SFMBT2: variants seen among roughly 807,000 people sequenced by gnomAD.
SFMBT2 encodes scm-like with four MBT domains protein 2.
Under a neutral mutation model 110.1 loss-of-function variants are expected in SFMBT2, and 38 were observed. The ratio of observed to expected loss-of-function variants is 0.35; its 90% confidence interval spans 0.27 to 0.45. The LOEUF (loss-of-function observed/expected upper bound fraction) is 0.45, where lower values mean the gene tolerates loss of function less well. SFMBT2 is among the 20% of genes least tolerant of loss of function. SFMBT2 has a pLI of 1.00. For missense variants in SFMBT2, 1,011 were observed against 1,094.9 expected (o/e 0.92, Z 1.08); for synonymous variants, 425 against 425.4 (o/e 1.00, Z 0.01).
At chr10:7,173,507 T>C (rs1837953680) in intron 17 of SFMBT2, among the ~76,000 whole-genome samples, 2 of 152,260 alleles carry the variant, frequency 1.3e-5, no homozygotes, top group Non-Finnish European at 2.9e-5. Flanking sequence ...TACATCATTG[T>C]ATACTTTATT....
intron 9 of SFMBT2, among the ~76,000 whole-genome samples, chr10:7,236,992 T>C (rs942665141): frequency 1.8e-4 from 27 of 152,302 alleles, no homozygotes; most frequent in African/African-American, 6.5e-4. Flanking sequence ...ATCCTAGTGA[T>C]CAGGACCACC....
intron 4 of SFMBT2, among the ~76,000 whole-genome samples, chr10:7,341,157 G>T (rs1479430697): frequency 1.3e-5 from 2 of 152,158 alleles, no homozygotes; most frequent in Non-Finnish European, 2.9e-5. Flanking sequence ...TTCACCTAAG[G>T]CAATCAGTGA....
chr10:7,167,755 G>A (rs565992538), intron 20 of SFMBT2, among the ~76,000 whole-genome samples: 3 of 152,304 alleles, frequency 2.0e-5, no homozygotes, highest in South Asian at 4.1e-4. Context: ...ATTCCAACAG[G>A]TGAACTTGCC....
At chr10:7,298,097 C>A (rs1340682265) in intron 4 of SFMBT2, among the ~76,000 whole-genome samples, 2 of 152,238 alleles carry the variant, frequency 1.3e-5, no homozygotes, top group Non-Finnish European at 2.9e-5. Flanking sequence ...GCAGCTTGTC[C>A]TTCACCAATG....
At chr10:7,305,947 G>C (rs925436888) in intron 4 of SFMBT2, among the ~76,000 whole-genome samples, 1 of 152,230 alleles carries the variant, frequency 6.6e-6, no homozygotes, top group East Asian at 1.9e-4. Flanking sequence ...ATTCAAAGCA[G>C]AGTCTGAAAG....
intron 4 of SFMBT2, among the ~76,000 whole-genome samples, chr10:7,340,099 C>T (rs1275386784): frequency 6.6e-6 from 1 of 152,180 alleles, no homozygotes; most frequent in Non-Finnish European, 1.5e-5. Flanking sequence ...GGGCCGGCCT[C>T]AATCCCAGCA....
In SFMBT2 at chr10:7,342,114, C is replaced by T. The variant is rs868293218; in HGVS notation, c.436+25535G>A. 6.8e-4 allele frequency among the ~76,000 whole-genome samples: 102 copies of T among 150,582 alleles called. 1 individual carries two copies. Among genetic ancestry groups the T allele is most frequent in the Middle Eastern group, 3.5e-3 (1 of 288 alleles). On this transcript the variant is annotated intron_variant, in intron 4 of 20. Transcript: ENST00000397167. ...AAAAAAAAAAAAGTTACCATGTGTT[C>T]ATTGTGAAGGCTCCAAGGTCTCCAA...
At chr10:7,268,101 G>A (rs1051301630) in intron 7 of SFMBT2, among the ~76,000 whole-genome samples, 1 of 152,182 alleles carries the variant, frequency 6.6e-6, no homozygotes, top group Admixed American at 6.5e-5. Flanking sequence ...TGCTGGGAAC[G>A]AAAAAGTAAT....
intron 16 of SFMBT2, among the ~76,000 whole-genome samples, chr10:7,182,749 G>A (rs1355210033): frequency 2.0e-5 from 3 of 150,886 alleles, no homozygotes; most frequent in African/African-American, 7.3e-5. Flanking sequence ...ATAGCATTAG[G>A]AGATATACCT....
intron 12 of SFMBT2, chr10:7,203,105 C>A: frequency 1.0e-6 from 1 of 985,360 alleles, no homozygotes; most frequent in Non-Finnish European, 1.2e-6. Flanking sequence ...CAAAAATAGA[C>A]CAAAGCTTTT....
At chr10:7,225,256 A>G (rs1449211836) in intron 10 of SFMBT2, among the ~76,000 whole-genome samples, 1 of 152,146 alleles carries the variant, frequency 6.6e-6, no homozygotes, top group Non-Finnish European at 1.5e-5. Context: ...CAATAGCAAA[A>G]CTGTTACCTG....
chr10:7,205,003 G>A, intron 12 of SFMBT2: 1 of 812,712 alleles, frequency 1.2e-6, no homozygotes, highest in South Asian at 5.6e-5. Context: ...GTAACCAAAG[G>A]GACGTGTGGT....
intron 13 of SFMBT2, chr10:7,200,990 CAT>C (rs1207832316): frequency 8.7e-6 from 2 of 228,988 alleles, no homozygotes; most frequent in African/African-American, 4.7e-5. Flanking sequence ...TAAAATGTAA[CAT>C]AGGCTTATTC....
intron 13 of SFMBT2, chr10:7,202,195 A>C (rs1168585254): frequency 4.1e-6 from 1 of 245,258 alleles, no homozygotes; most frequent in African/African-American, 2.3e-5. Flanking sequence ...AGACACAGAC[A>C]GCGATTTCTC....
At chr10:7,343,306 G>C (rs532279780) in intron 4 of SFMBT2, among the ~76,000 whole-genome samples, 1 of 152,202 alleles carries the variant, frequency 6.6e-6, no homozygotes, top group African/African-American at 2.4e-5. Flanking sequence ...TGGGCATTGA[G>C]GTTGATTCCA....
At chr10:7,384,570 C>G (rs888250627) in intron 1 of SFMBT2, among the ~76,000 whole-genome samples, 5 of 152,016 alleles carry the variant, frequency 3.3e-5, no homozygotes, top group Admixed American at 6.5e-5. Flanking sequence ...GAATCATCTG[C>G]AATGTAATGA....
chr10:7,275,198 G>A (rs1841732645), intron 7 of SFMBT2, among the ~76,000 whole-genome samples: 1 of 152,252 alleles, frequency 6.6e-6, no homozygotes, highest in Non-Finnish European at 1.5e-5. Context: ...TTAGACCGGA[G>A]GGTGGGCATC....
chr10:7,168,974 T>C (rs898661034), intron 20 of SFMBT2, among the ~76,000 whole-genome samples: 2 of 152,170 alleles, frequency 1.3e-5, no homozygotes, highest in African/African-American at 4.8e-5. Flanking sequence ...TCTTTTTGCT[T>C]GTTTTTGAGA....
chr10:7,228,315 T>C (rs1839959820), intron 9 of SFMBT2: 1 of 685,436 alleles, frequency 1.5e-6, no homozygotes, highest in African/African-American at 2.0e-5. Flanking sequence ...CCTGAGTTCG[T>C]GGGAGCTTAC....
Sources: allele counts gnomAD v4.1 joint callset (sites outside exome capture counted in the v4.1 genomes callset), GRCh38; gene constraint gnomAD v4.1.1; transcripts MANE v1.5; gene names NCBI Gene and HGNC (gene_info 2026-07-23, HGNC 2026-07-21).